RGS9: variants seen among roughly 807,000 people sequenced by gnomAD.
RGS9 encodes regulator of G-protein signalling 9.
In RGS9, 78 loss-of-function variants were observed where a neutral mutation model predicts 102.0. The ratio of observed to expected loss-of-function variants is 0.76; its 90% CI spans 0.64 to 0.92. The LOEUF (loss-of-function observed/expected upper bound fraction) is 0.92, where lower values mean the gene tolerates loss of function less well. RGS9 is among the 40% of genes least tolerant of loss of function. The pLI, the probability that RGS9 is intolerant of heterozygous loss-of-function variation, is 0.00. For missense variants in RGS9, 833 were observed against 866.1 expected, an observed-to-expected ratio of 0.96 and a Z score of 0.48; for synonymous variants, 353 against 318.6, an observed-to-expected ratio of 1.11 and a Z score of -1.15.
At chr17:65,215,481 T>TTTCTTTCG (rs1368873446) in intron 17 of RGS9, among the ~76,000 whole-genome samples, 5 of 120,898 alleles carry the variant, frequency 4.1e-5, no homozygotes, top group East Asian at 2.1e-4. Context: ...TTTCTCTATC[T>TTTCTTTCG]TTCTTTCGTT....
At chr17:65,215,544 CTT>C (rs1228869868) in intron 17 of RGS9, among the ~76,000 whole-genome samples, 2 of 105,198 alleles carry the variant, frequency 1.9e-5, no homozygotes, top group African/African-American at 4.3e-5. Context: ...TTCTTTCTTT[CTT>C]TTTTTTTGTT....
In RGS9 at chr17:65,225,497, G is replaced by T; in HGVS notation, c.1892+11G>T. 2 of 1,600,248 alleles carry T rather than the reference G, an allele frequency of 1.2e-6. No homozygotes were observed. Among genetic ancestry groups the T allele is most frequent in the South Asian group, 2.2e-5 (2 of 90,978 alleles). On this transcript the variant is annotated intron_variant, in intron 18 of 18. Transcript: ENST00000262406. ...CAAGAGAGTAGCAAAGTAAGAACCC[G>T]AAGGGGACGTGCCGTATGCATGGGT...
intron 8 of RGS9, among the ~76,000 whole-genome samples, chr17:65,177,164 A>ATCCG: frequency 6.7e-6 from 1 of 149,978 alleles, no homozygotes; most frequent in Middle Eastern, 3.6e-3. Flanking sequence ...CCATCCATCC[A>ATCCG]TCCATCCATC....
rs1355055534 is a variant in RGS9, at chr17:65,215,478, ATCTTTCTTTCGTTCTTTCGT to A, written c.1407+4884_1407+4903del. Among the ~76,000 whole-genome samples, 602 of 114,936 alleles carry A rather than the reference ATCTTTCTTTCGTTCTTTCGT, an allele frequency of 5.2e-3. 7 individuals carry two copies. Among genetic ancestry groups the A allele is most frequent in the South Asian group, 0.014 (53 of 3,724 alleles). 75.4% of individuals were successfully genotyped at this position (114,936 alleles called of 152,430 possible). On this transcript the variant is annotated intron_variant, in intron 17 of 18. Transcript: ENST00000262406. ...TTTCTCTTTCTTTCTTTCTTTCTCT[ATCTTTCTTTCGTTCTTTCGT>A]TCTTTCTTTCTTTCTTTCTTTCTTT...
In RGS9 at chr17:65,225,152, A is replaced by T. The variant is rs752345189; in HGVS notation, c.1558A>T (p.Thr520Ser). 6.2e-7 allele frequency: 1 copy of T among 1,613,294 alleles called. No individual in the cohort carries two copies. The highest frequency in any genetic ancestry group is 1.1e-5 in the South Asian group (1 of 91,062). ...PSRFIRRPSTTICPSPIRVAL... is the reference protein window; with the variant it reads ...PSRFIRRPSTSICPSPIRVAL... ...CCGCTTCATCCGGCGACCCAGCACC[A>T]CCATCTGCCCCTCACCCATCAGAGT... Residue 520 changes from threonine (T) to serine (S), a missense_variant, in exon 18 of 19, where the codon ACC (threonine) becomes TCC (serine). Physicochemically the swap from Thr to Ser is moderately conservative, Grantham distance 58 (BLOSUM62 1). This residue lies in a region of RGS9 where 320 missense variants were observed against 276.8 expected (regional missense o/e 1.16). Transcript: ENST00000262406.
chr17:65,179,434 G>T (rs1911768570), intron 9 of RGS9, among the ~76,000 whole-genome samples: 1 of 152,158 alleles, frequency 6.6e-6, no homozygotes, highest in Non-Finnish European at 1.5e-5. Context: ...AGGCTTGGTT[G>T]CCATGGAAAC....
At chr17:65,164,469 G>A (rs1044682568) in intron 7 of RGS9, among the ~76,000 whole-genome samples, 11 of 152,116 alleles carry the variant, frequency 7.2e-5, no homozygotes, top group African/African-American at 2.7e-4. Flanking sequence ...TACCAAAACC[G>A]ATGATCCCCC....
At chr17:65,153,375 T>C (rs1183151638) in intron 1 of RGS9, 47 bp from the exon 2 acceptor site, 2 of 1,535,330 alleles carry the variant, frequency 1.3e-6, no homozygotes, top group East Asian at 4.5e-5. Context: ...CTGCACAACT[T>C]TCAAAATTGT....
chr17:65,210,411 C>A, intron 16 of RGS9, 77 bp from the exon 17 acceptor site: 2 of 1,522,540 alleles, frequency 1.3e-6, no homozygotes, highest in South Asian at 2.2e-5. Flanking sequence ...AGCCCCAGCT[C>A]CCATCAAGTG....
At chr17:65,206,552 C>T (rs543370762) in intron 15 of RGS9, among the ~76,000 whole-genome samples, 1 of 152,214 alleles carries the variant, frequency 6.6e-6, no homozygotes, top group East Asian at 1.9e-4. Flanking sequence ...GTGGTGGATG[C>T]CTGTAATCTT....
In RGS9 at chr17:65,160,881, A is replaced by G; in HGVS notation, c.395A>G (p.Lys132Arg). ...AIYLAKRNIK[K>R]KGILEEYEKE... is the part of the protein sequence containing the mutation. ...TATCTGGCCAAGCGAAATATCAAAA[A>G]GAAAGGGATTTTGGAAGAATATGAA... Residue 132 changes from lysine (K) to arginine (R), a missense_variant, in exon 6 of 19, where the codon AAG becomes AGG. By Grantham distance (26) the Lys-to-Arg change is conservative (BLOSUM62 2). Around this residue, in one of 3 missense-constraint regions of RGS9, gnomAD observed 328 missense variants for 340.6 expected, o/e 0.96. Coordinates refer to ENST00000262406, the MANE Select transcript of RGS9 (RefSeq NM_003835.4). The G allele has an allele frequency of 1.2e-6, 2 of 1,614,042 alleles. No individual in the cohort carries two copies. Among genetic ancestry groups the G allele is most frequent in the Non-Finnish European group, 1.7e-6 (2 of 1,179,862 alleles).
At chr17:65,150,702 C>T (rs1185297453) in intron 1 of RGS9, among the ~76,000 whole-genome samples, 2 of 152,288 alleles carry the variant, frequency 1.3e-5, no homozygotes, top group East Asian at 1.9e-4. Flanking sequence ...CACATGACAC[C>T]ATAGACTCAC....
At chr17:65,137,993 G>C (rs1909979044) in intron 1 of RGS9, among the ~76,000 whole-genome samples, 1 of 152,182 alleles carries the variant, frequency 6.6e-6, no homozygotes, top group African/African-American at 2.4e-5. Flanking sequence ...GTGTGTGTGT[G>C]TACACATAGA....
At chr17:65,215,906 A>G (rs540000600) in intron 17 of RGS9, among the ~76,000 whole-genome samples, 257 of 152,162 alleles carry the variant, frequency 1.7e-3, no homozygotes, top group Non-Finnish European at 3.1e-3. Flanking sequence ...AAAGCCCCTC[A>G]AGGAGTTCCA....
At chr17:65,222,023 C>T (rs975969087) in intron 17 of RGS9, among the ~76,000 whole-genome samples, 3 of 152,230 alleles carry the variant, frequency 2.0e-5, no homozygotes, top group African/African-American at 7.2e-5. Flanking sequence ...AAGGTGTCAG[C>T]CAGGCTGACG....
chr17:65,138,988 C>G (rs1012732577), intron 1 of RGS9, among the ~76,000 whole-genome samples: 1 of 147,010 alleles, frequency 6.8e-6, no homozygotes, highest in Non-Finnish European at 1.5e-5. Flanking sequence ...GCATCCCCTC[C>G]TCCACCCCAG....
intron 13 of RGS9, among the ~76,000 whole-genome samples, chr17:65,198,284 CT>C (rs1912675298): frequency 6.6e-6 from 1 of 150,760 alleles, no homozygotes; most frequent in Admixed American, 6.6e-5. Context: ...GATATGGAGT[CT>C]CGCTCTGTTG....
At chr17:65,166,645 C>G (rs114291182) in intron 7 of RGS9, among the ~76,000 whole-genome samples, 3,241 of 152,288 alleles carry the variant, frequency 0.021, 101 homozygotes, top group African/African-American at 0.073. Flanking sequence ...TGACTCTCCT[C>G]TAATAACATC....
At chr17:65,210,454 T>G in intron 16 of RGS9, 34 bp from the exon 17 acceptor site, 7 of 1,611,636 alleles carry the variant, frequency 4.3e-6, no homozygotes, top group South Asian at 2.2e-5. Flanking sequence ...GCTGTGTCAT[T>G]TTCCTCCAAC....
Sources: gnomAD v4.1 joint callset for allele counts (sites outside exome capture counted in the v4.1 genomes callset) on GRCh38, gnomAD v4.1.1 for gene constraint, gnomAD v4.1.1 regional missense constraint, MANE v1.5 for transcripts, NCBI Gene and HGNC (gene_info 2026-07-23, HGNC 2026-07-21) for gene names.